The following MID1 variants were observed in gnomAD, a reference collection of about 807,000 sequenced individuals.
MID1 encodes the protein E3 ubiquitin-protein ligase Midline-1.
MID1 carries 7 observed loss-of-function variants against 40.4 expected under a neutral mutation model. The observed-to-expected ratio is 0.17, with a 90% confidence interval of 0.10 to 0.33. The LOEUF (loss-of-function observed/expected upper bound fraction) is 0.33. MID1 is among the 10% of genes least tolerant of loss of function. The probability of loss-of-function intolerance (pLI) is 1.00; values close to 1 mark genes in which losing one functional copy is unlikely to be tolerated. For synonymous variants in MID1, 229 were observed against 221.2 expected, an observed-to-expected ratio of 1.04 and a Z score of -0.31; for missense variants, 367 against 558.5, an observed-to-expected ratio of 0.66 and a Z score of 3.46.
At chrX:10,585,882 T>C (rs1935130407) in intron 1 of MID1, among the ~76,000 whole-genome samples, 1 of 112,094 alleles carries the variant, frequency 8.9e-6, no homozygotes, top group Non-Finnish European at 1.9e-5. Flanking sequence ...CCTATTATTA[T>C]TAATGACAGC....
At chrX:10,682,082 G>A (rs1433602395) in intron 1 of MID1, among the ~76,000 whole-genome samples, 1 of 110,866 alleles carries the variant, frequency 9.0e-6, no homozygotes. Flanking sequence ...GAAATGGGAG[G>A]ATCGCTTGAG....
chrX:10,580,376 C>T (rs749055242), intron 1 of MID1, among the ~76,000 whole-genome samples: 1 of 111,695 alleles, frequency 9.0e-6, no homozygotes, highest in South Asian at 3.8e-4. Context: ...CACACTCTAA[C>T]TTACACTTTA....
At chrX:10,497,540 CT>C (rs1005060623) in intron 3 of MID1, among the ~76,000 whole-genome samples, 4 of 111,622 alleles carry the variant, frequency 3.6e-5, no homozygotes, top group Non-Finnish European at 5.6e-5. Context: ...TCCCTTACCC[CT>C]GATGTTTCCT....
At chrX:10,790,082 C>T (rs2043917788) in intron 1 of MID1, among the ~76,000 whole-genome samples, 1 of 111,598 alleles carries the variant, frequency 9.0e-6, no homozygotes, top group South Asian at 3.8e-4. Flanking sequence ...CTCCCCCTAC[C>T]ACTAAACTCT....
intron 1 of MID1, among the ~76,000 whole-genome samples, chrX:10,717,217 G>C (rs1204885000): frequency 2.7e-5 from 3 of 110,944 alleles, no homozygotes; most frequent in Non-Finnish European, 5.7e-5. Context: ...ATGTAAATGG[G>C]CTAAATGCCC....
In MID1 at chrX:10,802,564, T is replaced by C. The variant is rs149207274; in HGVS notation, c.-187+30990A>G. 5.4e-5 allele frequency among the ~76,000 whole-genome samples: 6 copies of C among 112,094 alleles called. No individual in the cohort carries two copies. The East Asian group carries it at 1.4e-3, about 26-fold the overall frequency. ...GAGAAAAGGGGATGTTTATAAACTG[T>C]TGATTGTTGTTGGGAGTGTAAATTA... On this transcript the variant is annotated intron_variant, in intron 1 of 10. Transcript: ENST00000380785.
intron 1 of MID1, among the ~76,000 whole-genome samples, chrX:10,593,488 T>C (rs1370084926): frequency 9.0e-6 from 1 of 111,201 alleles, no homozygotes; most frequent in African/African-American, 3.3e-5. Context: ...TACCAAATAA[T>C]GACACCATAA....
At chrX:10,748,271 G>T (rs185120653) in intron 1 of MID1, among the ~76,000 whole-genome samples, 1 of 111,529 alleles carries the variant, frequency 9.0e-6, no homozygotes, top group African/African-American at 3.3e-5. Flanking sequence ...AGCAGGGCTA[G>T]GTTCAATTCC....
intron 1 of MID1, among the ~76,000 whole-genome samples, chrX:10,587,609 T>C (rs1287171332): frequency 8.9e-6 from 1 of 112,919 alleles, no homozygotes. Context: ...TGGCCTGCCA[T>C]GTGCACAAGC....
At chrX:10,538,708 T>A (rs926739950) in intron 2 of MID1, among the ~76,000 whole-genome samples, 2 of 112,145 alleles carry the variant, frequency 1.8e-5, no homozygotes, top group African/African-American at 3.2e-5. Flanking sequence ...TACTGCTCCT[T>A]CCAAGCTCTC....
chrX:10,826,554 T>C (rs1279909340), intron 1 of MID1, among the ~76,000 whole-genome samples: 2 of 112,224 alleles, frequency 1.8e-5, no homozygotes, highest in Non-Finnish European at 3.8e-5. Flanking sequence ...AACTCCCTCA[T>C]AGAGTCTGGC....
chrX:10,735,381 C>T (rs914912836), intron 1 of MID1, among the ~76,000 whole-genome samples: 32 of 112,487 alleles, frequency 2.8e-4, no homozygotes, highest in African/African-American at 1.0e-3. Context: ...GGATTACAGG[C>T]GTGAGCCACC....
At chrX:10,576,627 C>CT (rs1199382951) in intron 1 of MID1, among the ~76,000 whole-genome samples, 5 of 111,378 alleles carry the variant, frequency 4.5e-5, no homozygotes, top group African/African-American at 1.6e-4. Flanking sequence ...CTGTTCTGTC[C>CT]TAATAGTGCA....
intron 1 of MID1, among the ~76,000 whole-genome samples, chrX:10,778,586 G>A (rs1226993868): frequency 1.8e-5 from 2 of 112,243 alleles, no homozygotes; most frequent in Admixed American, 1.9e-4. Flanking sequence ...ATTCAGGCGG[G>A]CCCAATGTCA....
intron 2 of MID1, among the ~76,000 whole-genome samples, chrX:10,554,935 C>G (rs973175839): frequency 8.9e-6 from 1 of 112,084 alleles, no homozygotes; most frequent in African/African-American, 3.2e-5. Flanking sequence ...GATATTCATC[C>G]TAACACCTAA....
chrX:10,669,800 T>G (rs760405950), intron 1 of MID1, among the ~76,000 whole-genome samples: 32 of 112,426 alleles, frequency 2.8e-4, no homozygotes, highest in African/African-American at 1.0e-3. Flanking sequence ...CCTCTCTATC[T>G]TTAAGGCAAG....
intron 1 of MID1, among the ~76,000 whole-genome samples, chrX:10,814,433 T>C (rs1419567879): frequency 9.0e-6 from 1 of 111,507 alleles, no homozygotes; most frequent in African/African-American, 3.3e-5. Context: ...GAAATTTCAA[T>C]TGAAATAATT....
At chrX:10,821,436 C>A (rs1196014495) in intron 1 of MID1, among the ~76,000 whole-genome samples, 1 of 111,984 alleles carries the variant, frequency 8.9e-6, no homozygotes, top group African/African-American at 3.2e-5. Flanking sequence ...GCCTTGTCAT[C>A]TTCAGGGGTT....
At chrX:10,651,617 C>T (rs1936317126) in intron 1 of MID1, among the ~76,000 whole-genome samples, 1 of 111,852 alleles carries the variant, frequency 8.9e-6, no homozygotes, top group African/African-American at 3.3e-5. Context: ...TTTTCACATC[C>T]CCTCATGATT....
Sources: allele counts gnomAD v4.1 joint callset (sites outside exome capture counted in the v4.1 genomes callset), GRCh38; gene constraint gnomAD v4.1.1; transcripts MANE v1.5; gene names NCBI Gene and HGNC (gene_info 2026-07-23, HGNC 2026-07-21).